The following PCNX2 variants were observed in gnomAD, a reference collection of about 807,000 sequenced individuals.
PCNX2 encodes pecanex 2.
A neutral mutation model predicts 223.8 loss-of-function variants in PCNX2; 168 were observed. That is an observed-to-expected ratio of 0.75 (90% CI 0.66 to 0.85). The LOEUF is 0.85. Ranked by LOEUF, PCNX2 falls within the 40% of genes least tolerant of loss-of-function variation. The pLI, the probability that PCNX2 is intolerant of heterozygous loss-of-function variation, is 0.00. For missense variants in PCNX2, 2,507 were observed against 2,675.5 expected (o/e 0.94, Z 1.39); for synonymous variants, 1,006 against 1,052.6 (o/e 0.96, Z 0.86).
chr1:233,052,354 T>C (rs1283784390), intron 25 of PCNX2, among the ~76,000 whole-genome samples: 1 of 152,174 alleles, frequency 6.6e-6, no homozygotes, highest in East Asian at 1.9e-4. Flanking sequence ...TTTGTCACAG[T>C]GAGGGTTTGA....
chr1:233,307,286 A>T, the PCNX2 span, among the ~76,000 whole-genome samples: 2 of 152,224 alleles, frequency 1.3e-5, no homozygotes, highest in Non-Finnish European at 2.9e-5. Context: ...TCCTGAAGGC[A>T]GATCCCTCAT....
At chr1:233,167,651 G>T (rs12030091) in intron 17 of PCNX2, 61,797 of 780,044 alleles carry the variant, frequency 0.079, 2,945 homozygotes, top group East Asian at 0.32. Flanking sequence ...ACTATCTATA[G>T]GTACCTCATG....
chr1:233,250,941 A>T, intron 7 of PCNX2, 109 bp from the exon 8 acceptor site: 1 of 1,202,218 alleles, frequency 8.3e-7, no homozygotes, highest in Non-Finnish European at 1.1e-6. Flanking sequence ...GGTCTGTTAT[A>T]ATAACTGTTG....
chr1:233,063,096 G>A (rs551509229), intron 23 of PCNX2, among the ~76,000 whole-genome samples: 15 of 152,076 alleles, frequency 9.9e-5, no homozygotes, highest in Non-Finnish European at 2.1e-4. Context: ...AATTAGCAGG[G>A]TGTGGTGGCA....
chr1:233,129,189 C>T (rs367694943), intron 21 of PCNX2, among the ~76,000 whole-genome samples: 298 of 152,346 alleles, frequency 2.0e-3, no homozygotes, highest in African/African-American at 7.0e-3. Context: ...TCCGGATGGG[C>T]GTGGGCTTGG....
chr1:233,300,295 C>G (rs903122486), upstream of PCNX2, among the ~76,000 whole-genome samples: 1 of 152,162 alleles, frequency 6.6e-6, no homozygotes, highest in Admixed American at 6.5e-5. Context: ...TTTTCTGGCA[C>G]CCAGTGTTAG....
chr1:233,280,298 CTT>C (rs34738587), intron 1 of PCNX2, among the ~76,000 whole-genome samples: 417 of 115,840 alleles, frequency 3.6e-3, no homozygotes, highest in African/African-American at 4.7e-3. Context: ...TCCATATTAC[CTT>C]TTTTTTTTTT....
intron 19 of PCNX2, among the ~76,000 whole-genome samples, chr1:233,145,216 T>C (rs2102788599): frequency 6.6e-6 from 1 of 152,260 alleles, no homozygotes; most frequent in African/African-American, 2.4e-5. Context: ...TTCGCCTGCT[T>C]CGGACTCCCA....
At chr1:233,095,100 C>T (rs1674078878) in intron 22 of PCNX2, among the ~76,000 whole-genome samples, 2 of 152,146 alleles carry the variant, frequency 1.3e-5, no homozygotes, top group Admixed American at 1.3e-4. Flanking sequence ...TCCGCTTCCC[C>T]TTACCCACGC....
chr1:233,231,592 A>T (rs1456036622), intron 9 of PCNX2: 1 of 943,868 alleles, frequency 1.1e-6, no homozygotes, highest in Admixed American at 6.2e-5. Context: ...AGAGGTTCTC[A>T]GCTTCTCAGA....
At chr1:233,289,285 C>T (rs1449580290) in intron 1 of PCNX2, 6 of 981,870 alleles carry the variant, frequency 6.1e-6, no homozygotes, top group African/African-American at 1.6e-5. Context: ...TTCTGACCAC[C>T]ACCAACCTCA....
chr1:233,143,710 A>G (rs1276857202), intron 19 of PCNX2, among the ~76,000 whole-genome samples: 3 of 151,936 alleles, frequency 2.0e-5, no homozygotes, highest in Non-Finnish European at 4.4e-5. Flanking sequence ...CCATGTGCTC[A>G]CTCTCTGCAT....
At chr1:233,112,592 A>T (rs952153745) in intron 21 of PCNX2, among the ~76,000 whole-genome samples, 2 of 152,196 alleles carry the variant, frequency 1.3e-5, no homozygotes, top group African/African-American at 4.8e-5. Flanking sequence ...GGACTGCAAC[A>T]TTTAACCAGT....
intron 27 of PCNX2, among the ~76,000 whole-genome samples, chr1:233,016,580 C>T (rs985860880): frequency 9.2e-5 from 14 of 152,244 alleles, no homozygotes; most frequent in East Asian, 1.9e-4. Context: ...AGTAAATCCC[C>T]CTGATTTCAG....
chr1:233,308,578 T>C, the PCNX2 span, among the ~76,000 whole-genome samples: 19 of 152,300 alleles, frequency 1.2e-4, no homozygotes, highest in Admixed American at 1.2e-3. Context: ...AGATATTTAG[T>C]GGTATAAGAG....
chr1:233,181,386 C>T (rs577659501), intron 15 of PCNX2, among the ~76,000 whole-genome samples: 4 of 152,040 alleles, frequency 2.6e-5, no homozygotes, highest in East Asian at 3.9e-4. Flanking sequence ...ATAGTAGAGA[C>T]GGGGTTTCAC....
intron 23 of PCNX2, among the ~76,000 whole-genome samples, chr1:233,070,853 G>A (rs1019257441): frequency 3.9e-5 from 6 of 151,952 alleles, no homozygotes; most frequent in Non-Finnish European, 1.5e-5. Flanking sequence ...TGGCTAACAC[G>A]GTGAAACCCC....
rs371277365 is a variant in PCNX2, at chr1:232,999,269, C to T, written c.5439G>A (p.Leu1813=). ...RGSIQNNKQV[L]RNLINSSCDQ... ...CGCAGGAGGAGTTAATCAAGTTCCG[C>T]AGGACCTGCTTATTGTTCTGGATAC... Residue 1813 remains leucine (L), a synonymous_variant, in exon 31 of 34, where the codon CTG becomes CTA. Coordinates refer to ENST00000258229, the MANE Select transcript of PCNX2 (RefSeq NM_014801.4). 33 of 1,612,954 alleles carry T rather than the reference C, an allele frequency of 2.0e-5. No homozygotes were observed. Among genetic ancestry groups the T allele is most frequent in the Non-Finnish European group, 2.7e-5 (32 of 1,179,504 alleles).
intron 33 of PCNX2, chr1:232,984,726 A>C (rs979010553): frequency 2.2e-6 from 1 of 446,506 alleles, no homozygotes; most frequent in African/African-American, 2.0e-5. Context: ...ACTGCGCTGG[A>C]AAGAGCGGCC....
Sources: gnomAD v4.1 joint callset for allele counts (sites outside exome capture counted in the v4.1 genomes callset) on GRCh38, gnomAD v4.1.1 for gene constraint, MANE v1.5 for transcripts, NCBI Gene and HGNC (gene_info 2026-07-23, HGNC 2026-07-21) for gene names.